MMP26: variants seen among roughly 807,000 people sequenced by gnomAD.
MMP26 encodes matrix metallopeptidase 26.
MMP26 carries 33 observed loss-of-function variants against 31.0 expected under a neutral mutation model. That is an observed-to-expected ratio of 1.06 (90% CI 0.81 to 1.42). The LOEUF (loss-of-function observed/expected upper bound fraction) is 1.42. Among genes scored for constraint, MMP26 ranks in the 40% most tolerant of loss-of-function variants. The probability of loss-of-function intolerance (pLI) is 0.00; values close to 1 mark genes in which losing one functional copy is unlikely to be tolerated. For missense variants in MMP26, 347 were observed against 316.1 expected (o/e 1.10, Z -0.74); for synonymous variants, 122 against 114.9 (o/e 1.06, Z -0.40).
Position 4,923,508 on chromosome 11 carries a change from T to C in MMP26, c.-144-64560T>C, listed in dbSNP as rs761695826. ...GGTACCAGCAGATACACATAGGACA[T>C]GAAGAGGTGTACAACGCGGGGCAGA... On this transcript the variant is annotated intron_variant, in intron 2 of 7. Coordinates refer to ENST00000380390, the MANE Select transcript of MMP26 (RefSeq NM_021801.5). The C allele has an allele frequency of 3.1e-6, 5 of 1,613,958 alleles. No individual in the cohort carries two copies. The highest frequency in any genetic ancestry group is 3.4e-6 in the Non-Finnish European group (4 of 1,180,016).
intron 5 of MMP26, 45 bp from the exon 6 acceptor site, chr11:4,991,326 T>C (rs1457888932): frequency 6.3e-7 from 1 of 1,587,832 alleles, no homozygotes; most frequent in Middle Eastern, 1.7e-4. Context: ...TGGCCTTTGT[T>C]TCTACCTCCA....
chr11:4,833,497 CT>C (rs1159219556), intron 2 of MMP26, among the ~76,000 whole-genome samples: 3 of 152,108 alleles, frequency 2.0e-5, no homozygotes, highest in Non-Finnish European at 4.4e-5. Flanking sequence ...ACATTAAACT[CT>C]TTATAAAGTG....
At chr11:4,908,625 A>G in intron 2 of MMP26, 1 of 389,690 alleles carries the variant, frequency 2.6e-6, no homozygotes, top group South Asian at 2.4e-5. Flanking sequence ...CCATTCAGTT[A>G]GTATCTATTA....
intron 2 of MMP26, chr11:4,803,445 T>A (rs766799235): frequency 1.6e-5 from 25 of 1,603,198 alleles, no homozygotes; most frequent in Non-Finnish European, 2.0e-5. Context: ...AGGGGATGTT[T>A]CCACAACATC....
At chr11:4,808,205 C>T (rs1849303774) in intron 2 of MMP26, among the ~76,000 whole-genome samples, 3 of 152,086 alleles carry the variant, frequency 2.0e-5, no homozygotes, top group African/African-American at 7.2e-5. Context: ...CAAGATCACA[C>T]AGCAACTAAG....
rs11441973 is a variant in MMP26 at position 4,925,771 on chromosome 11, CAA to C, written c.-144-62284_-144-62283del. ...AAAACCAAGCCACCACTGTTAACTA[CAA>C]AAAAAAAAAAAATGAAGTAGGACAA... On this transcript the variant is annotated intron_variant, in intron 2 of 7. Transcript: ENST00000380390. 7.2e-3 allele frequency among the ~76,000 whole-genome samples: 1,027 copies of C among 142,148 alleles called. 12 individuals carry two copies. Among genetic ancestry groups the C allele is most frequent in the African/African-American group, 0.023 (884 of 38,670 alleles). The allele number at this position is 142,148 out of a possible 152,430, so 93.3% of individuals were successfully genotyped here. A position where few individuals can be genotyped will look rare whatever the true frequency, so the allele number is the denominator to read the frequency against.
chr11:4,968,599 C>A (rs769627988), intron 2 of MMP26, among the ~76,000 whole-genome samples: 1 of 151,878 alleles, frequency 6.6e-6, no homozygotes, highest in Non-Finnish European at 1.5e-5. Flanking sequence ...ATGTAGCAAA[C>A]TATTCTGATA....
chr11:4,964,202 T>C (rs948440662), intron 2 of MMP26, among the ~76,000 whole-genome samples: 3 of 152,190 alleles, frequency 2.0e-5, no homozygotes, highest in African/African-American at 4.8e-5. Context: ...ATGTTCTTAA[T>C]GGTATTGCCT....
intron 2 of MMP26, among the ~76,000 whole-genome samples, chr11:4,777,206 C>T (rs1848801443): frequency 6.6e-6 from 1 of 152,054 alleles, no homozygotes; most frequent in Non-Finnish European, 1.5e-5. Context: ...CACCTATGTG[C>T]CATGAGATTT....
chr11:4,721,732 A>T (rs1365906745), intron 1 of MMP26, among the ~76,000 whole-genome samples: 1 of 152,104 alleles, frequency 6.6e-6, no homozygotes, highest in Non-Finnish European at 1.5e-5. Flanking sequence ...GCTTTTCTTC[A>T]TGCTTCAGGG....
chr11:4,726,151 T>G (rs989150811), intron 1 of MMP26, among the ~76,000 whole-genome samples: 1 of 152,186 alleles, frequency 6.6e-6, no homozygotes, highest in Non-Finnish European at 1.5e-5. Flanking sequence ...TTAGCAAATA[T>G]GAAAACATCT....
chr11:4,769,583 A>G, intron 2 of MMP26: 1 of 1,613,430 alleles, frequency 6.2e-7, no homozygotes, highest in Non-Finnish European at 8.5e-7. Flanking sequence ...TCCAGATTCC[A>G]TAAAAGTGAA....
intron 1 of MMP26, chr11:4,711,640 A>G (rs1589880819): frequency 6.6e-6 from 1 of 152,150 alleles, no homozygotes; most frequent in Admixed American, 6.6e-5. Context: ...ACTTGCATCT[A>G]TCACTTTTCT....
At chr11:4,956,551 G>C (rs931618892) in intron 2 of MMP26, among the ~76,000 whole-genome samples, 4 of 152,196 alleles carry the variant, frequency 2.6e-5, no homozygotes, top group Admixed American at 1.3e-4. Flanking sequence ...TAGTTGGCTT[G>C]TGTATTTCTC....
chr11:4,740,208 C>T (rs371240722), intron 1 of MMP26, among the ~76,000 whole-genome samples: 2 of 151,882 alleles, frequency 1.3e-5, no homozygotes. Context: ...TTTAGAAGAA[C>T]ATTTTAACAG....
intron 2 of MMP26, among the ~76,000 whole-genome samples, chr11:4,957,506 T>TTTAACGTTTAAATCTTTAA (rs1846460130): frequency 6.6e-6 from 1 of 152,122 alleles, no homozygotes; most frequent in East Asian, 1.9e-4. Flanking sequence ...CTTTTTTTTA[T>TTTAACGTTTAAATCTTTAA]TCCTTTCGTC....
intron 2 of MMP26, among the ~76,000 whole-genome samples, chr11:4,872,672 G>C (rs1352658444): frequency 6.6e-6 from 1 of 152,002 alleles, no homozygotes; most frequent in Non-Finnish European, 1.5e-5. Flanking sequence ...CTGTTCCTCA[G>C]AGAGCAGCCT....
At chr11:4,820,532 C>G (rs1849480636) in intron 2 of MMP26, among the ~76,000 whole-genome samples, 1 of 151,738 alleles carries the variant, frequency 6.6e-6, no homozygotes, top group African/African-American at 2.4e-5. Context: ...CTCACTCCCT[C>G]CCTTCTTCCT....
At position 4,961,202 on chromosome 11, in the gene MMP26, C is replaced by T. The variant is rs184245317; in HGVS notation, c.-144-26866C>T. Among the ~76,000 whole-genome samples, 103 of 152,334 alleles carry T rather than the reference C, an allele frequency of 6.8e-4. 1 individual carries two copies. The highest frequency in any genetic ancestry group is 2.2e-3 in the African/African-American group (91 of 41,572). ...GGAAGTTTCAGTGTTTCTACATACA[C>T]GCATATGTTTACACACAAAGTCAAT... On this transcript the variant is annotated intron_variant, in intron 2 of 7. Transcript: ENST00000380390.
Sources: gnomAD v4.1 joint callset for allele counts (sites outside exome capture counted in the v4.1 genomes callset) on GRCh38, gnomAD v4.1.1 for gene constraint, MANE v1.5 for transcripts, NCBI Gene and HGNC (gene_info 2026-07-23, HGNC 2026-07-21) for gene names.